The following PDS5B variants were observed in gnomAD, a reference collection of about 807,000 sequenced individuals.
PDS5B encodes the protein PDS5 cohesin associated factor B.
Under a neutral mutation model 184.1 loss-of-function variants are expected in PDS5B, and 51 were observed. The observed-to-expected ratio is 0.28, with a 90% CI of 0.22 to 0.35. The LOEUF is 0.35. Ranked by LOEUF, PDS5B falls within the 10% of genes least tolerant of loss-of-function variation. The pLI, the probability that PDS5B is intolerant of heterozygous loss-of-function variation, is 1.00. For missense variants in PDS5B, 1,180 were observed against 1,723.3 expected, an observed-to-expected ratio of 0.68 and a Z score of 5.58; for synonymous variants, 566 against 569.2, an observed-to-expected ratio of 0.99 and a Z score of 0.08.
chr13:32,732,216 A>T lies in PDS5B; in HGVS notation c.2239A>T (p.Ile747Leu), dbSNP rs1455062571. 6.2e-7 allele frequency: 1 copy of T among 1,601,840 alleles called. No individual in the cohort carries two copies. Among genetic ancestry groups the T allele is most frequent in the Non-Finnish European group, 8.5e-7 (1 of 1,174,112 alleles). The change falls in exon 20 of 35, where the codon ATA (isoleucine) becomes TTA (leucine). Residue 747 changes from isoleucine (I) to leucine (L), a missense_variant. Transcript: ENST00000315596. ...TAGTAAAGAGACCCAGTTTGCACAGATATTTGAGGTAATGAGAAAAAAATT... is the reference window on the plus strand; with the variant it reads ...TAGTAAAGAGACCCAGTTTGCACAGTTATTTGAGGTAATGAGAAAAAAATT... ...FSSKETQFAQ[I>L]FEPLHKSLDP...
intron 13 of PDS5B, chr13:32,690,279 C>T (rs1157199202): frequency 1.3e-5 from 2 of 152,232 alleles, no homozygotes; most frequent in Non-Finnish European, 2.9e-5. Flanking sequence ...TATGGTCCTA[C>T]CATGCCTGGG....
chr13:32,685,586 G>A (rs185339439), intron 11 of PDS5B, among the ~76,000 whole-genome samples: 56 of 152,308 alleles, frequency 3.7e-4, no homozygotes, highest in African/African-American at 1.2e-3. Flanking sequence ...GAAGAAGAGG[G>A]AATTAAGAGT....
chr13:32,586,806 G>A (rs1337484687), intron 1 of PDS5B, among the ~76,000 whole-genome samples: 1 of 145,758 alleles, frequency 6.9e-6, no homozygotes, highest in Non-Finnish European at 1.5e-5. Flanking sequence ...GCGGGGCGCG[G>A]GCCGGCTGCG....
At position 32,694,301 on chromosome 13, in the gene PDS5B, C is replaced by G. The variant is rs376061268; in HGVS notation, c.1548C>G (p.Pro516=). Residue 516 remains proline, a synonymous_variant, in exon 14 of 35, where the codon CCC becomes CCG. Coordinates refer to ENST00000315596, the MANE Select transcript of PDS5B (RefSeq NM_015032.4). ...VKDLLDLIKQ[P]KTDASVKAIF... The stretch of plus-strand genomic sequence containing the variant: ...ATTTGCTTGACTTGATTAAGCAACC[C>G]AAAGTAAGTAAGAATTTTTTCCTTC... The G allele has an allele frequency of 8.2e-6, 13 of 1,581,834 alleles. No individual in the cohort carries two copies. In the Admixed American group the frequency reaches 2.4e-4, roughly 29 times the overall value.
At chr13:32,696,313 G>A (rs370467632) in intron 14 of PDS5B, among the ~76,000 whole-genome samples, 49 of 152,072 alleles carry the variant, frequency 3.2e-4, no homozygotes, top group African/African-American at 1.2e-3. Context: ...TTTTATACAT[G>A]ACTTTACATG....
At chr13:32,624,845 T>G (rs1372757871) in intron 1 of PDS5B, among the ~76,000 whole-genome samples, 2 of 152,196 alleles carry the variant, frequency 1.3e-5, no homozygotes. Context: ...TATGCACATT[T>G]GCCCTTTTGC....
chr13:32,637,495 G>A (rs2058583439), intron 1 of PDS5B, among the ~76,000 whole-genome samples: 1 of 152,166 alleles, frequency 6.6e-6, no homozygotes, highest in Non-Finnish European at 1.5e-5. Flanking sequence ...GAATACCCAA[G>A]TGGAAATGTT....
intron 2 of PDS5B, chr13:32,649,999 ATAC>A (rs1950328546): frequency 6.6e-6 from 1 of 152,154 alleles, no homozygotes; most frequent in Non-Finnish European, 1.5e-5. Context: ...ATATTTGTTT[ATAC>A]TAAGTGAGCA....
chr13:32,588,116 C>G (rs769051899), intron 1 of PDS5B, among the ~76,000 whole-genome samples: 1 of 152,192 alleles, frequency 6.6e-6, no homozygotes, highest in Non-Finnish European at 1.5e-5. Context: ...TGAAAGACAG[C>G]TCTTCATGCA....
At chr13:32,716,880 G>A (rs1455280822) in intron 19 of PDS5B, among the ~76,000 whole-genome samples, 5 of 118,652 alleles carry the variant, frequency 4.2e-5, no homozygotes, top group African/African-American at 1.2e-4. Context: ...CGCCCCGTCC[G>A]GGAGGTGAGG....
intron 1 of PDS5B, among the ~76,000 whole-genome samples, chr13:32,595,781 G>T (rs552996171): frequency 7.8e-4 from 119 of 152,270 alleles, no homozygotes; most frequent in African/African-American, 2.8e-3. Flanking sequence ...TCATTGTTTG[G>T]GGGGTTCAAA....
intron 1 of PDS5B, among the ~76,000 whole-genome samples, chr13:32,607,916 A>G (rs2058085033): frequency 6.6e-6 from 1 of 152,210 alleles, no homozygotes; most frequent in South Asian, 2.1e-4. Context: ...GGAAAAGCAC[A>G]GTAGCAGGGT....
chr13:32,632,961 C>T (rs1409828573), intron 1 of PDS5B, among the ~76,000 whole-genome samples: 17 of 152,208 alleles, frequency 1.1e-4, no homozygotes, highest in African/African-American at 2.9e-4. Context: ...ATTAGCCAGG[C>T]GTGGTGGCGC....
chr13:32,601,551 T>A (rs1341345679), intron 1 of PDS5B, among the ~76,000 whole-genome samples: 1 of 152,204 alleles, frequency 6.6e-6, no homozygotes, highest in Non-Finnish European at 1.5e-5. Flanking sequence ...GTGGGACACA[T>A]GGTACCAGGT....
In PDS5B at chr13:32,688,501, T is replaced by C; in HGVS notation, c.1401T>C (p.Asn467=). 1.9e-6 allele frequency: 3 copies of C among 1,609,770 alleles called. No homozygotes were observed. The highest frequency in any genetic ancestry group is 1.1e-5 in the South Asian group (1 of 90,710). ...RIFAQYMVPH[N]LETTERMKCL... ...TTGCTCAATACATGGTTCCTCACAA[T>C]TTAGAAACTACAGAACGGATGAAAT... Residue 467 remains asparagine, a synonymous_variant, in exon 13 of 35, where the codon AAT becomes AAC. Coordinates refer to ENST00000315596, the MANE Select transcript of PDS5B (RefSeq NM_015032.4).
chr13:32,768,776 G>C (rs1954668834), intron 31 of PDS5B, among the ~76,000 whole-genome samples: 1 of 134,810 alleles, frequency 7.4e-6, no homozygotes. Flanking sequence ...CTGGGTGACA[G>C]AGCGAGACTC....
At chr13:32,772,667 A>G (rs984219363) in intron 33 of PDS5B, among the ~76,000 whole-genome samples, 2 of 152,168 alleles carry the variant, frequency 1.3e-5, no homozygotes, top group Non-Finnish European at 2.9e-5. Flanking sequence ...AAGGAGGTTT[A>G]CAAAATTATT....
At chr13:32,718,349 G>A (rs908374465) in intron 19 of PDS5B, among the ~76,000 whole-genome samples, 28 of 152,024 alleles carry the variant, frequency 1.8e-4, no homozygotes, top group Non-Finnish European at 2.8e-4. Flanking sequence ...ACGGGGTTTC[G>A]CTGTGTTAGC....
chr13:32,734,304 G>C (rs775507144), intron 20 of PDS5B, among the ~76,000 whole-genome samples: 3 of 152,114 alleles, frequency 2.0e-5, no homozygotes, highest in Non-Finnish European at 2.9e-5. Context: ...TGGGATTACA[G>C]ATGTAATCTG....
Sources: gnomAD v4.1 joint callset for allele counts (sites outside exome capture counted in the v4.1 genomes callset) on GRCh38, gnomAD v4.1.1 for gene constraint, MANE v1.5 for transcripts, NCBI Gene and HGNC (gene_info 2026-07-23, HGNC 2026-07-21) for gene names.